RASSF3: variants seen among roughly 807,000 people sequenced by gnomAD.
RASSF3 encodes the protein ras association domain-containing protein 3.
RASSF3 carries 19 observed loss-of-function variants against 19.9 expected under a neutral mutation model. The observed-to-expected ratio is 0.96, with a 90% CI of 0.67 to 1.40. The LOEUF (loss-of-function observed/expected upper bound fraction) is 1.40, where lower values mean the gene tolerates loss of function less well. Among genes scored for constraint, RASSF3 ranks in the 40% most tolerant of loss-of-function variants. RASSF3 has a pLI of 0.00. For missense variants in RASSF3, 306 were observed against 289.8 expected, an observed-to-expected ratio of 1.06 and a Z score of -0.41; for synonymous variants, 110 against 104.2, an observed-to-expected ratio of 1.06 and a Z score of -0.34.
At chr12:64,634,310 CTT>C (rs201068575) in intron 1 of RASSF3, among the ~76,000 whole-genome samples, 19 of 143,128 alleles carry the variant, frequency 1.3e-4, no homozygotes, top group African/African-American at 3.3e-4. Context: ...TCATCTTGTC[CTT>C]TTTTTTTTTT....
chr12:64,631,562 T>G, intron 1 of RASSF3, among the ~76,000 whole-genome samples: 1 of 151,720 alleles, frequency 6.6e-6, no homozygotes, highest in East Asian at 1.9e-4. Flanking sequence ...TATGTATGTA[T>G]GTATGTATGT....
chr12:64,532,131 G>A (rs374805990), upstream of RASSF3, among the ~76,000 whole-genome samples: 12 of 152,320 alleles, frequency 7.9e-5, no homozygotes, highest in East Asian at 1.7e-3. Context: ...AGAGCGCTTC[G>A]AAAGAGCTTG....
chr12:64,581,622 G>A (rs1869697916), intron 2 of RASSF3, among the ~76,000 whole-genome samples: 2 of 152,036 alleles, frequency 1.3e-5, no homozygotes, highest in African/African-American at 4.8e-5. Flanking sequence ...GGGAGGATGA[G>A]GTGGGAGGAT....
chr12:64,547,100 C>T (rs536715888), intron 2 of RASSF3, among the ~76,000 whole-genome samples: 156 of 151,972 alleles, frequency 1.0e-3, no homozygotes, highest in African/African-American at 3.6e-3. Context: ...TGGTGAACCC[C>T]GTCTCTACTA....
chr12:64,676,467 C>CTTTT (rs34917109), intron 1 of RASSF3, among the ~76,000 whole-genome samples: 80 of 69,756 alleles, frequency 1.1e-3, no homozygotes, highest in Non-Finnish European at 1.6e-3. Context: ...CTGTGCCCAG[C>CTTTT]TTTTTTTTTT....
chr12:64,572,295 A>G (rs1041074683), intron 2 of RASSF3, among the ~76,000 whole-genome samples: 3 of 152,154 alleles, frequency 2.0e-5, no homozygotes, highest in African/African-American at 4.8e-5. Flanking sequence ...TCATGATAGG[A>G]TTAGTGCCCT....
At chr12:64,660,739 A>G (rs1450013583) in intron 1 of RASSF3, among the ~76,000 whole-genome samples, 1 of 152,200 alleles carries the variant, frequency 6.6e-6, no homozygotes, top group African/African-American at 2.4e-5. Flanking sequence ...AGCTTTTGAA[A>G]AAAAATTTCT....
At chr12:64,541,347 T>A (rs1278048829) in intron 1 of RASSF3, among the ~76,000 whole-genome samples, 1 of 152,208 alleles carries the variant, frequency 6.6e-6, no homozygotes, top group Non-Finnish European at 1.5e-5. Context: ...TAATCTCCTG[T>A]CTTTGTGAAA....
At chr12:64,596,986 C>T (rs555301203) in intron 2 of RASSF3, among the ~76,000 whole-genome samples, 2 of 152,106 alleles carry the variant, frequency 1.3e-5, no homozygotes, top group African/African-American at 2.4e-5. Context: ...AGGCTGATCT[C>T]GAACTCTCAA....
chr12:64,544,296 G>A (rs1376605997), downstream of RASSF3, among the ~76,000 whole-genome samples: 1 of 151,928 alleles, frequency 6.6e-6, no homozygotes, highest in African/African-American at 2.4e-5. Context: ...CACTCACTTC[G>A]AAGGTCTGCA....
At chr12:64,539,541 C>A (rs1290836802) in intron 1 of RASSF3, among the ~76,000 whole-genome samples, 1 of 152,076 alleles carries the variant, frequency 6.6e-6, no homozygotes, top group Non-Finnish European at 1.5e-5. Context: ...CCTTGGGAGG[C>A]CAAGGGGGCG....
chr12:64,592,955 C>T (rs1245031), intron 2 of RASSF3, among the ~76,000 whole-genome samples: 138,359 of 152,172 alleles, frequency 0.91, 63,223 homozygotes, highest in African/African-American at 0.97. Context: ...TTGCTCTTCT[C>T]GATGTTTGGG....
chr12:64,604,637 CT>C (rs781319836), intron 2 of RASSF3, among the ~76,000 whole-genome samples: 174 of 145,412 alleles, frequency 1.2e-3, no homozygotes, highest in South Asian at 5.2e-3. Flanking sequence ...GTAACCAACT[CT>C]TTTTTTTTTT....
intron 1 of RASSF3, among the ~76,000 whole-genome samples, chr12:64,627,160 A>T (rs541801180): frequency 6.6e-6 from 1 of 152,218 alleles, no homozygotes; most frequent in East Asian, 1.9e-4. Flanking sequence ...CTACTAAAAA[A>T]TGGTTTTCTC....
intron 1 of RASSF3, among the ~76,000 whole-genome samples, chr12:64,647,412 CTT>C (rs10633120): frequency 1.1e-4 from 15 of 136,852 alleles, no homozygotes; most frequent in Admixed American, 1.5e-4. Flanking sequence ...ATTTTTTTTT[CTT>C]TTTTTTTTTT....
At chr12:64,634,245 C>G (rs1325633838) in intron 1 of RASSF3, among the ~76,000 whole-genome samples, 2 of 150,666 alleles carry the variant, frequency 1.3e-5, no homozygotes, top group African/African-American at 4.9e-5. Context: ...CAAGGTTAAC[C>G]TTTTTCTTGC....
chr12:64,627,316 C>T (rs1238392587), intron 1 of RASSF3, among the ~76,000 whole-genome samples: 1 of 152,164 alleles, frequency 6.6e-6, no homozygotes, highest in African/African-American at 2.4e-5. Flanking sequence ...TGTTTGGGGA[C>T]TTGAACAATT....
chr12:64,520,769 G>A (rs2136103860), intron 1 of RASSF3, among the ~76,000 whole-genome samples: 1 of 152,034 alleles, frequency 6.6e-6, no homozygotes, highest in African/African-American at 2.4e-5. Context: ...AAAAAACCAA[G>A]ATGACCGATT....
chr12:64,580,734 G>T (rs929030558), intron 2 of RASSF3, among the ~76,000 whole-genome samples: 4 of 151,820 alleles, frequency 2.6e-5, no homozygotes, highest in Non-Finnish European at 5.9e-5. Flanking sequence ...GCAATCCTTG[G>T]CATCCCTGGC....
Sources: gnomAD v4.1 joint callset for allele counts (sites outside exome capture counted in the v4.1 genomes callset) on GRCh38, gnomAD v4.1.1 for gene constraint, MANE v1.5 for transcripts, NCBI Gene and HGNC (gene_info 2026-07-23, HGNC 2026-07-21) for gene names.